Variants in PARM1 observed in about 807,000 individuals in gnomAD.
PARM1 encodes the protein WSC4, cell wall integrity and stress response component 4 homolog.
Under a neutral mutation model 24.6 loss-of-function variants are expected in PARM1, and 14 were observed. The observed-to-expected ratio is 0.57, with a 90% CI of 0.38 to 0.89. The LOEUF (loss-of-function observed/expected upper bound fraction) is 0.89. Among genes scored for constraint, PARM1 ranks in the 40% least tolerant of loss-of-function variants. The pLI, the probability that PARM1 is intolerant of heterozygous loss-of-function variation, is 0.00. For synonymous variants in PARM1, 179 were observed against 156.6 expected (o/e 1.14, Z -1.07); for missense variants, 362 against 380.4 (o/e 0.95, Z 0.40).
intron 2 of PARM1, among the ~76,000 whole-genome samples, chr4:75,017,117 C>T (rs992729990): frequency 6.6e-6 from 1 of 152,156 alleles, no homozygotes; most frequent in African/African-American, 2.4e-5. Context: ...GGGCTGATCG[C>T]CTCCCGTCCC....
chr4:74,983,408 C>G (rs931451714), intron 1 of PARM1, among the ~76,000 whole-genome samples: 2 of 152,180 alleles, frequency 1.3e-5, no homozygotes, highest in African/African-American at 4.8e-5. Flanking sequence ...GTGGATGACT[C>G]AAGGTCATTG....
chr4:75,038,896 G>A (rs1578060796), intron 3 of PARM1, among the ~76,000 whole-genome samples: 3 of 152,218 alleles, frequency 2.0e-5, no homozygotes. Flanking sequence ...GTAATTAGGT[G>A]TGCTGGTGAC....
intron 1 of PARM1, among the ~76,000 whole-genome samples, chr4:74,983,131 A>G (rs756225272): frequency 2.6e-5 from 4 of 152,194 alleles, no homozygotes; most frequent in Non-Finnish European, 5.9e-5. Context: ...TGACCAGGAC[A>G]GGTCTTACAA....
At chr4:75,031,205 G>T (rs551548968) in intron 2 of PARM1, among the ~76,000 whole-genome samples, 50 of 152,324 alleles carry the variant, frequency 3.3e-4, no homozygotes, top group African/African-American at 1.2e-3. Flanking sequence ...TGTTCCCATG[G>T]CTGGCATCCA....
At position 74,933,506 on chromosome 4, in the gene PARM1, C is replaced by G; in HGVS notation, c.43+136C>G. ...GGGTGAGTGCGCAGGTGTGTGCGCA[C>G]TTAGATTTGGGGTGACGTGCACCTT... On this transcript the variant is annotated intron_variant, in intron 1 of 3. Coordinates refer to ENST00000307428, the MANE Select transcript of PARM1 (RefSeq NM_015393.4). The G allele has an allele frequency of 4.1e-6, 3 of 732,966 alleles. No individual in the cohort carries two copies. In the South Asian group the frequency reaches 4.8e-5, roughly 12 times the overall value. The allele number at this position is 732,966 out of a possible 1,614,324, so 45.4% of individuals were successfully genotyped here. A position where few individuals can be genotyped will look rare whatever the true frequency, so the allele number is the denominator to read the frequency against.
chr4:75,022,536 A>G (rs1294281644), intron 2 of PARM1, among the ~76,000 whole-genome samples: 1 of 152,180 alleles, frequency 6.6e-6, no homozygotes, highest in Admixed American at 6.5e-5. Flanking sequence ...AATTGTCCCA[A>G]TGTCACCTTT....
At chr4:74,982,550 C>T (rs1199970005) in intron 1 of PARM1, among the ~76,000 whole-genome samples, 1 of 152,130 alleles carries the variant, frequency 6.6e-6, no homozygotes, top group African/African-American at 2.4e-5. Flanking sequence ...TTTTTAGTAG[C>T]AACTTCCTCT....
intron 1 of PARM1, among the ~76,000 whole-genome samples, chr4:75,002,770 G>T (rs1227161005): frequency 6.6e-6 from 1 of 152,192 alleles, no homozygotes; most frequent in Admixed American, 6.5e-5. Context: ...GTCCAGGTCA[G>T]TCTCCATCTT....
At chr4:74,972,100 G>C (rs1722050374) in intron 1 of PARM1, among the ~76,000 whole-genome samples, 1 of 152,180 alleles carries the variant, frequency 6.6e-6, no homozygotes, top group Non-Finnish European at 1.5e-5. Context: ...GAGCAGGGAA[G>C]GGGTAAAAAC....
At position 75,047,987 on chromosome 4, in the gene PARM1, T is replaced by A. The variant is rs1443189525; in HGVS notation, c.*1740T>A. ...GTAGAAAACAAACATTGGGTCCGACTTCAAAATGTGTTGTATTGTCCTACA... is the reference window on the plus strand; with the variant it reads ...GTAGAAAACAAACATTGGGTCCGACATCAAAATGTGTTGTATTGTCCTACA... On this transcript the variant is annotated 3_prime_UTR_variant, in exon 4 of 4. Coordinates refer to ENST00000307428, the MANE Select transcript of PARM1 (RefSeq NM_015393.4). 1 of 152,200 alleles carries A rather than the reference T, an allele frequency of 6.6e-6. No individual in the cohort carries two copies. The highest frequency in any genetic ancestry group is 6.5e-5 in the Admixed American group (1 of 15,286). 9.4% of individuals were successfully genotyped at this position (152,200 alleles called of 1,614,324 possible).
Position 75,012,903 on chromosome 4 carries a change from T to C in PARM1, c.522T>C (p.Thr174=), listed in dbSNP as rs370891968. 5.0e-4 allele frequency: 813 copies of C among 1,613,954 alleles called. 8 individuals carry two copies. In the South Asian group the frequency reaches 8.4e-3, roughly 17 times the overall value. ...SPPEVFSASV[T]TNHSSTVTST... is the part of the protein sequence containing the mutation. ...CTGAGGTCTTTTCTGCCTCCGTTAC[T>C]ACCAACCATAGCTCCACTGTGACCA... Residue 174 remains threonine, a synonymous_variant, in exon 2 of 4, where the codon ACT becomes ACC. Coordinates refer to ENST00000307428, the MANE Select transcript of PARM1 (RefSeq NM_015393.4).
chr4:74,933,467 C>A (rs1370998450), intron 1 of PARM1, 97 bp downstream of exon 1: 7 of 1,032,586 alleles, frequency 6.8e-6, no homozygotes, highest in African/African-American at 6.3e-5. Flanking sequence ...GGCAGTGAGT[C>A]GCCGCGCGCC....
At chr4:75,015,382 A>T (rs1722964911) in intron 2 of PARM1, among the ~76,000 whole-genome samples, 1 of 152,236 alleles carries the variant, frequency 6.6e-6, no homozygotes, top group Non-Finnish European at 1.5e-5. Context: ...GCAGAAACTC[A>T]GAATAAATGA....
chr4:74,956,569 CA>C (rs1721638881), intron 1 of PARM1: 2 of 152,178 alleles, frequency 1.3e-5, no homozygotes, highest in African/African-American at 4.8e-5. Context: ...CAACTTTTCA[CA>C]AGAACATTTT....
intron 1 of PARM1, among the ~76,000 whole-genome samples, chr4:74,945,492 C>T (rs537825733): frequency 5.0e-4 from 76 of 152,258 alleles, no homozygotes; most frequent in African/African-American, 1.7e-3. Context: ...CAATGTTTAC[C>T]GGGCATCACT....
chr4:75,037,823 A>G (rs1370209428), intron 3 of PARM1, among the ~76,000 whole-genome samples: 1 of 152,248 alleles, frequency 6.6e-6, no homozygotes, highest in African/African-American at 2.4e-5. Flanking sequence ...AGTTAATAAT[A>G]TGTATCTTTC....
chr4:74,936,712 C>T (rs963680723), intron 1 of PARM1, among the ~76,000 whole-genome samples: 3 of 152,044 alleles, frequency 2.0e-5, no homozygotes, highest in African/African-American at 7.2e-5. Flanking sequence ...GCCTCGGACT[C>T]CCAAAGTGCT....
At chr4:74,967,026 A>G (rs1222291980) in intron 1 of PARM1, 1 of 152,172 alleles carries the variant, frequency 6.6e-6, no homozygotes, top group Non-Finnish European at 1.5e-5. Flanking sequence ...CTTTCCAGTC[A>G]AAAGATCCTT....
intron 1 of PARM1, among the ~76,000 whole-genome samples, chr4:74,943,829 T>C (rs1031181835): frequency 6.6e-6 from 1 of 152,194 alleles, no homozygotes; most frequent in African/African-American, 2.4e-5. Context: ...CCCAGTTAAG[T>C]CTGAGAAATT....
Sources: gnomAD v4.1 joint callset for allele counts (sites outside exome capture counted in the v4.1 genomes callset) on GRCh38, gnomAD v4.1.1 for gene constraint, MANE v1.5 for transcripts, NCBI Gene and HGNC (gene_info 2026-07-23, HGNC 2026-07-21) for gene names.